Variants in TADA2A observed in about 807,000 individuals in gnomAD.
The protein encoded by TADA2A is transcriptional adaptor 2A.
TADA2A carries 38 observed loss-of-function variants against 67.4 expected under a neutral mutation model. The observed-to-expected ratio is 0.56, with a 90% CI of 0.44 to 0.74. The LOEUF (loss-of-function observed/expected upper bound fraction) is 0.74. Among genes scored for constraint, TADA2A ranks in the 30% least tolerant of loss-of-function variants. The pLI, the probability that TADA2A is intolerant of heterozygous loss-of-function variation, is 0.00. For synonymous variants in TADA2A, 192 were observed against 181.6 expected (o/e 1.06, Z -0.46); for missense variants, 454 against 547.0 (o/e 0.83, Z 1.70).
At chr17:37,456,148 G>A (rs2053385400) in intron 8 of TADA2A, among the ~76,000 whole-genome samples, 1 of 152,118 alleles carries the variant, frequency 6.6e-6, no homozygotes, top group African/African-American at 2.4e-5. Flanking sequence ...AGGTTGCAGT[G>A]AGCCAAGCGC....
chr17:37,434,004 G>C (rs72828258), intron 4 of TADA2A, among the ~76,000 whole-genome samples: 5,549 of 151,842 alleles, frequency 0.037, 130 homozygotes, highest in Non-Finnish European at 0.053. Flanking sequence ...TACAATACTA[G>C]TAACTATAGA....
At position 37,450,437 on chromosome 17, in the gene TADA2A, A is replaced by G. The variant is rs187305114; in HGVS notation, c.604+5669A>G. On this transcript the variant is annotated intron_variant, in intron 8 of 15. Transcript: ENST00000615182. ...AAGCAAGCAGTAAGTGCCTTCTGTC[A>G]AGAAAACAGAAACATGTTGTTAGCT... is the stretch of plus-strand genomic sequence containing the variant. The G allele has an allele frequency of 1.1e-4, 16 of 152,376 alleles. No individual in the cohort carries two copies. In the East Asian group the frequency reaches 3.1e-3, roughly 29 times the overall value. 9.4% of individuals were successfully genotyped at this position (152,376 alleles called of 1,614,324 possible).
At chr17:37,476,726 T>G in intron 15 of TADA2A, 71 bp from the exon 16 acceptor site, 1 of 1,531,796 alleles carries the variant, frequency 6.5e-7, no homozygotes, top group Non-Finnish European at 8.8e-7. Context: ...AAAAATTTTT[T>G]GCTATACCTG....
intron 9 of TADA2A, among the ~76,000 whole-genome samples, chr17:37,459,582 CTT>C (rs80266428): frequency 5.2e-5 from 7 of 133,380 alleles, no homozygotes; most frequent in African/African-American, 5.3e-5. Context: ...CGTGTTCAAC[CTT>C]TTTTTTTTTT....
At chr17:37,420,086 G>A (rs772506037) in intron 2 of TADA2A, among the ~76,000 whole-genome samples, 4 of 146,360 alleles carry the variant, frequency 2.7e-5, no homozygotes, top group Non-Finnish European at 6.1e-5. Flanking sequence ...AAAGAGAGAA[G>A]CAAGCTTATA....
chr17:37,428,744 A>G (rs111348339), intron 4 of TADA2A, among the ~76,000 whole-genome samples: 22 of 134,982 alleles, frequency 1.6e-4, no homozygotes, highest in African/African-American at 5.3e-4. Flanking sequence ...ATGCCTGGCT[A>G]ATTTAAAAAT....
intron 10 of TADA2A, among the ~76,000 whole-genome samples, chr17:37,462,906 C>T (rs996303505): frequency 1.8e-4 from 28 of 152,054 alleles, no homozygotes; most frequent in African/African-American, 3.4e-4. Flanking sequence ...TATTATATGA[C>T]GGTGATAAAA....
At chr17:37,429,234 CA>C (rs1008912711) in intron 4 of TADA2A, among the ~76,000 whole-genome samples, 20 of 151,922 alleles carry the variant, frequency 1.3e-4, no homozygotes, top group African/African-American at 4.6e-4. Context: ...GCCACCACAG[CA>C]GGCACCTCAA....
In TADA2A at chr17:37,442,560, C is replaced by T; in HGVS notation, c.443-4C>T. ...TAACTCAGAAACCTTCTAAATTCTTCCAGCTACAGATGACCCTCCCCGACC... is the reference window on the plus strand; with the variant it reads ...TAACTCAGAAACCTTCTAAATTCTTTCAGCTACAGATGACCCTCCCCGACC... On this transcript the variant is annotated splice_region_variant and splice_polypyrimidine_tract_variant and intron_variant, in intron 6 of 15. Coordinates refer to ENST00000615182, the MANE Select transcript of TADA2A (RefSeq NM_001166105.3). 2 of 1,612,698 alleles carry T rather than the reference C, an allele frequency of 1.2e-6. No homozygotes were observed. Among genetic ancestry groups the T allele is most frequent in the Non-Finnish European group, 1.7e-6 (2 of 1,179,272 alleles).
At chr17:37,458,676 T>A in intron 9 of TADA2A, 89 bp downstream of exon 9, 2 of 1,081,842 alleles carry the variant, frequency 1.8e-6, no homozygotes, top group Non-Finnish European at 2.7e-6. Flanking sequence ...TGTGTGTGTC[T>A]GTGTCTGTGT....
At chr17:37,426,014 G>C (rs1332053650) in intron 3 of TADA2A, among the ~76,000 whole-genome samples, 1 of 150,912 alleles carries the variant, frequency 6.6e-6, no homozygotes, top group African/African-American at 2.4e-5. Context: ...TTGCTCTGCT[G>C]TTCAGCCTGG....
chr17:37,465,507 A>G lies in TADA2A; in HGVS notation c.789A>G (p.Pro263=). The G allele has an allele frequency of 6.2e-7, 1 of 1,614,188 alleles. No homozygotes were observed. The highest frequency in any genetic ancestry group is 1.1e-5 in the South Asian group (1 of 91,084). The part of the protein sequence containing the change: ...TMRRFARIVG[P]VEHDKFIESH... Reference sequence around the variant, plus strand: ...GGCGATTTGCAAGAATTGTGGGGCCAGTGGAACATGACAAATTCATTGAAA... The same window carrying G: ...GGCGATTTGCAAGAATTGTGGGGCCGGTGGAACATGACAAATTCATTGAAA... Residue 263 remains proline, a synonymous_variant, in exon 11 of 16, where the codon CCA becomes CCG. Coordinates refer to ENST00000615182, the MANE Select transcript of TADA2A (RefSeq NM_001166105.3).
At chr17:37,446,949 T>C (rs1225160201) in intron 8 of TADA2A, among the ~76,000 whole-genome samples, 1 of 152,230 alleles carries the variant, frequency 6.6e-6, no homozygotes, top group East Asian at 1.9e-4. Context: ...ATCAGCAATT[T>C]ATAGTTCAGT....
chr17:37,446,082 G>A (rs2053068993), intron 8 of TADA2A, among the ~76,000 whole-genome samples: 1 of 138,662 alleles, frequency 7.2e-6, no homozygotes, highest in Non-Finnish European at 1.5e-5. Flanking sequence ...TTTCTTGAGC[G>A]GTGGGTTTTT....
chr17:37,447,014 T>G (rs1357251816), intron 8 of TADA2A, among the ~76,000 whole-genome samples: 1 of 152,262 alleles, frequency 6.6e-6, no homozygotes, highest in Non-Finnish European at 1.5e-5. Context: ...CTGAAGTTTC[T>G]ATAGCCCTGT....
chr17:37,466,360 C>T (rs371948221), intron 11 of TADA2A, among the ~76,000 whole-genome samples: 3 of 152,124 alleles, frequency 2.0e-5, no homozygotes, highest in Non-Finnish European at 2.9e-5. Context: ...GCCGAGGTTG[C>T]GGTGAGCTGA....
intron 10 of TADA2A, among the ~76,000 whole-genome samples, chr17:37,463,084 C>CA (rs1285869427): frequency 5.3e-5 from 8 of 151,968 alleles, no homozygotes; most frequent in African/African-American, 1.9e-4. Context: ...GTGATCCTCC[C>CA]ACCTCAGCCT....
chr17:37,461,351 A>G (rs377496546), intron 9 of TADA2A, among the ~76,000 whole-genome samples: 1 of 152,224 alleles, frequency 6.6e-6, no homozygotes, highest in South Asian at 2.1e-4. Context: ...TCCTGATCTA[A>G]AGTAAAACTT....
intron 6 of TADA2A, among the ~76,000 whole-genome samples, chr17:37,442,165 A>G (rs919541457): frequency 6.7e-6 from 1 of 149,364 alleles, no homozygotes; most frequent in African/African-American, 2.5e-5. Flanking sequence ...AATTTCAGCT[A>G]ACTTCCAATT....
Sources: allele counts gnomAD v4.1 joint callset (sites outside exome capture counted in the v4.1 genomes callset), GRCh38; gene constraint gnomAD v4.1.1; transcripts MANE v1.5; gene names NCBI Gene and HGNC (gene_info 2026-07-23, HGNC 2026-07-21).